Variants in CHD1 observed in about 807,000 individuals in gnomAD.
CHD1 encodes the protein ATP-dependent chromatin remodeler CHD1.
Under a neutral mutation model 224.2 loss-of-function variants are expected in CHD1, and 36 were observed. That is an observed-to-expected ratio of 0.16 (90% confidence interval 0.12 to 0.21). The LOEUF (loss-of-function observed/expected upper bound fraction) is 0.21. CHD1 is among the 10% of genes least tolerant of loss of function. The pLI, the probability that CHD1 is intolerant of heterozygous loss-of-function variation, is 1.00. For missense variants in CHD1, 1,378 were observed against 1,994.8 expected (o/e 0.69, Z 5.89); for synonymous variants, 668 against 658.3 (o/e 1.01, Z -0.23).
At position 98,863,558 on chromosome 5, in the gene CHD1, G is replaced by T; in HGVS notation, c.4277C>A (p.Ala1426Glu). The change falls in exon 32 of 36, where the codon GCA becomes GAA. Residue 1426 changes from alanine to glutamate, a missense_variant. Physicochemically the swap from Ala to Glu is moderately radical, Grantham distance 107 (BLOSUM62 -1). This residue lies in a region of CHD1 where 23 missense variants were observed against 65.8 expected (regional missense o/e 0.35). Coordinates refer to ENST00000614616, the MANE Select transcript of CHD1 (RefSeq NM_001270.4). The stretch of plus-strand genomic sequence containing the variant: ...AGGCCTATCAAGTTGTTTCAAAGCT[G>T]CTTTAACAGGCCTCATTCTTTCTTT... ...ICKERMRPVK[A>E]ALKQLDRPEK... 6.2e-7 allele frequency: 1 copy of T among 1,606,430 alleles called. No homozygotes were observed.
At chr5:98,859,514 G>A (rs55862038) in intron 33 of CHD1, among the ~76,000 whole-genome samples, 7,974 of 152,148 alleles carry the variant, frequency 0.052, 613 homozygotes, top group African/African-American at 0.16. Flanking sequence ...CACTTTAGAA[G>A]AGTAGCAGAC....
chr5:98,875,138 A>AC (rs753932042), intron 24 of CHD1, 25 bp from the exon 25 acceptor site: 1 of 1,392,192 alleles, frequency 7.2e-7, no homozygotes, highest in African/African-American at 1.4e-5. Flanking sequence ...TTGTTTGGTA[A>AC]ATGTGAGCTT....
intron 12 of CHD1, 102 bp downstream of exon 12, chr5:98,896,124 C>T: frequency 3.1e-6 from 3 of 975,030 alleles, no homozygotes; most frequent in Non-Finnish European, 4.8e-6. Flanking sequence ...CACTGCACTC[C>T]AGCCTGGGAG....
chr5:98,885,659 A>C lies in CHD1; in HGVS notation c.2497-10T>G, dbSNP rs749531510. The C allele has an allele frequency of 6.1e-6, 9 of 1,467,732 alleles. No homozygotes were observed. In the South Asian group the frequency reaches 9.5e-5, roughly 15 times the overall value. 90.9% of individuals were successfully genotyped at this position (1,467,732 alleles called of 1,614,324 possible). ...TTGATCCATCTAATCTCTAGAAAAA[A>C]ACACATTAAAATACTGCATAAACAG... On this transcript the variant is annotated splice_polypyrimidine_tract_variant and intron_variant, in intron 17 of 35. Transcript: ENST00000614616.
At chr5:98,927,815 C>T (rs1753575882) in intron 1 of CHD1, among the ~76,000 whole-genome samples, 1 of 152,116 alleles carries the variant, frequency 6.6e-6, no homozygotes, top group South Asian at 2.1e-4. Flanking sequence ...CTTCCTTTCC[C>T]CTCCATCTCC....
chr5:98,918,035 C>T (rs568689619), intron 2 of CHD1, among the ~76,000 whole-genome samples: 72 of 151,548 alleles, frequency 4.8e-4, no homozygotes, highest in African/African-American at 1.7e-3. Flanking sequence ...TTCCTTCCTT[C>T]ACCTGGAACT....
At chr5:98,891,497 A>T (rs1264187770) in intron 15 of CHD1, among the ~76,000 whole-genome samples, 1 of 152,200 alleles carries the variant, frequency 6.6e-6, no homozygotes, top group Admixed American at 6.5e-5. Context: ...GAGATACATA[A>T]AAAGACTGGC....
chr5:98,916,571 G>C (rs113046912), intron 2 of CHD1, among the ~76,000 whole-genome samples: 23,204 of 136,832 alleles, frequency 0.17, 1,997 homozygotes, highest in Middle Eastern at 0.31. Context: ...AAAAAAAAAA[G>C]GTTTAAAAAT....
intron 16 of CHD1, 64 bp downstream of exon 16, chr5:98,889,012 A>C: frequency 8.5e-7 from 1 of 1,175,436 alleles, no homozygotes; most frequent in Non-Finnish European, 1.2e-6. Flanking sequence ...GCCATTTTCG[A>C]TTGTAAGTGA....
intron 2 of CHD1, among the ~76,000 whole-genome samples, chr5:98,906,740 A>G (rs1042555854): frequency 1.3e-5 from 2 of 152,246 alleles, no homozygotes; most frequent in Non-Finnish European, 2.9e-5. Flanking sequence ...TGAATTCTTC[A>G]GCAAAGAAAT....
intron 12 of CHD1, 85 bp from the exon 13 acceptor site, chr5:98,894,771 T>C (rs936723838): frequency 3.3e-6 from 2 of 605,290 alleles, no homozygotes; most frequent in African/African-American, 3.8e-5. Context: ...TTAAAATCCA[T>C]TCAAATATGT....
Position 98,856,564 on chromosome 5 carries a change from G to T in CHD1, c.4949C>A (p.Thr1650Lys). Residue 1650 changes from threonine to lysine, a missense_variant, in exon 36 of 36, where the codon ACG becomes AAG. Physicochemically the swap from Thr to Lys is moderately conservative, Grantham distance 78. Around this residue, in one of 16 missense-constraint regions of CHD1, gnomAD observed 278 missense variants for 298.5 expected, o/e 0.93. Transcript: ENST00000614616. Reference protein sequence around the residue: ...HSDHRSSSEYTHHKSSRDYRY... With the variant: ...HSDHRSSSEYKHHKSSRDYRY... ...ATAATCCCTGGAAGATTTATGGTGC[G>T]TATATTCAGAACTTGACCGGTGGTC... 1 of 1,613,764 alleles carries T rather than the reference G, an allele frequency of 6.2e-7. No homozygotes were observed. The highest frequency in any genetic ancestry group is 8.5e-7 in the Non-Finnish European group (1 of 1,179,780).
chr5:98,908,478 T>C (rs895478014), intron 2 of CHD1, among the ~76,000 whole-genome samples: 2 of 152,150 alleles, frequency 1.3e-5, no homozygotes, highest in South Asian at 4.1e-4. Flanking sequence ...GGATTGCTTT[T>C]TGCTGCTCTT....
chr5:98,874,962 G>T (rs1450712301), intron 25 of CHD1, 110 bp downstream of exon 25: 1 of 637,294 alleles, frequency 1.6e-6, no homozygotes, highest in African/African-American at 1.9e-5. Flanking sequence ...TGTAAATGCC[G>T]ATTAAAAGCA....
At chr5:98,876,312 C>T in intron 24 of CHD1, 86 bp downstream of exon 24, 1 of 1,381,290 alleles carries the variant, frequency 7.2e-7, no homozygotes, top group Admixed American at 1.9e-5. Context: ...AACTTCATCA[C>T]AATTTTTGAA....
intron 17 of CHD1, chr5:98,885,964 A>T (rs139571662): frequency 9.9e-5 from 25 of 252,112 alleles, no homozygotes; most frequent in Non-Finnish European, 1.6e-4. Flanking sequence ...TCATGACATG[A>T]TATACTATGT....
intron 2 of CHD1, among the ~76,000 whole-genome samples, chr5:98,909,160 A>G (rs1233747256): frequency 6.6e-6 from 1 of 152,190 alleles, no homozygotes; most frequent in African/African-American, 2.4e-5. Context: ...TAAACATTAA[A>G]TTAAGTACAC....
chr5:98,878,108 G>A (rs1004831724), intron 23 of CHD1, among the ~76,000 whole-genome samples: 4 of 152,184 alleles, frequency 2.6e-5, no homozygotes, highest in Non-Finnish European at 2.9e-5. Context: ...CTGAGTGTAC[G>A]CTATTGTGAG....
intron 2 of CHD1, among the ~76,000 whole-genome samples, chr5:98,924,696 C>T (rs1237015060): frequency 6.6e-6 from 1 of 152,134 alleles, no homozygotes; most frequent in Non-Finnish European, 1.5e-5. Flanking sequence ...AAGTGTCAGG[C>T]CTGGCGTGGT....
Sources: allele counts gnomAD v4.1 joint callset (sites outside exome capture counted in the v4.1 genomes callset), GRCh38; gene constraint gnomAD v4.1.1; regional missense constraint gnomAD v4.1.1; transcripts MANE v1.5; gene names NCBI Gene and HGNC (gene_info 2026-07-23, HGNC 2026-07-21).